BCO2: variants seen among roughly 807,000 people sequenced by gnomAD.
BCO2 encodes the protein beta-carotene oxygenase 2.
A neutral mutation model predicts 65.8 loss-of-function variants in BCO2; 56 were observed. The observed-to-expected ratio is 0.85, with a 90% CI of 0.69 to 1.06. The LOEUF (loss-of-function observed/expected upper bound fraction) is 1.06, where lower values mean the gene tolerates loss of function less well. Ranked by LOEUF, BCO2 falls within the 50% of genes least tolerant of loss-of-function variation. The probability of loss-of-function intolerance (pLI) is 0.00; values close to 1 mark genes in which losing one functional copy is unlikely to be tolerated. For synonymous variants in BCO2, 233 were observed against 242.3 expected (o/e 0.96, Z 0.36); for missense variants, 675 against 698.5 (o/e 0.97, Z 0.38).
At chr11:112,182,145 A>C (rs1867068774) in intron 2 of BCO2, among the ~76,000 whole-genome samples, 1 of 152,208 alleles carries the variant, frequency 6.6e-6, no homozygotes, top group African/African-American at 2.4e-5. Flanking sequence ...TCAAAACCAC[A>C]ATGAGATACC....
rs74874911 is a variant in BCO2, at chr11:112,217,820, A to G, written c.1686A>G (p.Ala562=). ...DAKNFEELGR[A]EVPVQMPYGF... The stretch of plus-strand genomic sequence containing the variant: ...AGAACTTTGAAGAGCTGGGCCGAGC[A>G]GAGGTACCTGTGCAGATGCCTTATG... The change falls in exon 12 of 12, where the codon GCA becomes GCG. Residue 562 remains alanine (A), a synonymous_variant. Coordinates refer to ENST00000357685, the MANE Select transcript of BCO2 (RefSeq NM_031938.7). The G allele has an allele frequency of 3.8e-3, 6,112 of 1,614,148 alleles. 210 individuals are homozygous for G. In the African/African-American group the frequency reaches 0.07, roughly 19 times the overall value.
intron 2 of BCO2, among the ~76,000 whole-genome samples, chr11:112,182,258 G>A (rs1867072492): frequency 6.6e-6 from 1 of 152,172 alleles, no homozygotes; most frequent in South Asian, 2.1e-4. Context: ...TGGTGGGACT[G>A]TAAACTAGTT....
rs1313554352 is a variant in BCO2 at position 112,200,631 on chromosome 11, T to C, written c.884T>C (p.Ile295Thr). The C allele has an allele frequency of 6.2e-7, 1 of 1,609,268 alleles. No individual in the cohort carries two copies. Among genetic ancestry groups the C allele is most frequent in the South Asian group, 1.1e-5 (1 of 90,378 alleles). ...YHSFGMTRNY[I>T]IFIEQPLKMN... ...CTTTTAGGAATGACAAGGAACTATATAATTTTCATTGAACAACCTCTAAAG... is the reference window on the plus strand; with the variant it reads ...CTTTTAGGAATGACAAGGAACTATACAATTTTCATTGAACAACCTCTAAAG... Residue 295 changes from isoleucine to threonine, a missense_variant, in exon 7 of 12, where the codon ATA (isoleucine) becomes ACA (threonine). Physicochemically the swap from Ile to Thr is moderately conservative, Grantham distance 89. Coordinates refer to ENST00000357685, the MANE Select transcript of BCO2 (RefSeq NM_031938.7).
At chr11:112,176,517 C>CGGGGGG (rs35450963) in intron 1 of BCO2, 4 of 46,742 alleles carry the variant, frequency 8.6e-5, no homozygotes, top group Admixed American at 3.8e-4. Context: ...AATTGATTGG[C>CGGGGGG]GGGGGGGGGG....
At chr11:112,199,895 C>A in intron 6 of BCO2, 68 bp downstream of exon 6, 2 of 1,551,406 alleles carry the variant, frequency 1.3e-6, no homozygotes, top group South Asian at 2.3e-5. Context: ...AAGGACTAGT[C>A]TGGCAAATGT....
At chr11:112,206,397 G>A (rs138868987) in intron 8 of BCO2, among the ~76,000 whole-genome samples, 2,403 of 152,302 alleles carry the variant, frequency 0.016, 64 homozygotes, top group African/African-American at 0.053. Flanking sequence ...CAGACGGGGC[G>A]GCGGCCGGCT....
chr11:112,217,712 A>C (rs1859722745), intron 11 of BCO2, 49 bp from the exon 12 acceptor site: 1 of 1,455,270 alleles, frequency 6.9e-7, no homozygotes, highest in African/African-American at 1.4e-5. Flanking sequence ...AGACAGGCAA[A>C]TTTTTGATGA....
chr11:112,194,963 T>C (rs1867526882), intron 5 of BCO2, among the ~76,000 whole-genome samples: 1 of 152,068 alleles, frequency 6.6e-6, no homozygotes, highest in South Asian at 2.1e-4. Flanking sequence ...GCAAACATCC[T>C]TCTAAGTAAA....
At chr11:112,206,308 CGGCA>C (rs1867867965) in intron 8 of BCO2, among the ~76,000 whole-genome samples, 1 of 149,612 alleles carries the variant, frequency 6.7e-6, no homozygotes, top group African/African-American at 2.5e-5. Flanking sequence ...ACTCCTGGGG[CGGCA>C]GGGGCGGCAG....
intron 2 of BCO2, chr11:112,181,612 G>A: frequency 1.3e-6 from 1 of 767,332 alleles, no homozygotes; most frequent in South Asian, 1.3e-5. Context: ...TTTTGGTATT[G>A]ACTCATTGAA....
intron 10 of BCO2, chr11:112,215,176 T>G: frequency 1.9e-6 from 1 of 521,710 alleles, no homozygotes; most frequent in Admixed American, 3.4e-5. Flanking sequence ...GATGTTATTT[T>G]GGGAGCAATT....
Position 112,218,477 on chromosome 11 carries a change from T to G in BCO2, c.*603T>G. 1 of 254,182 alleles carries G rather than the reference T, an allele frequency of 3.9e-6. No individual in the cohort carries two copies. The highest frequency in any genetic ancestry group is 3.5e-5 in the Admixed American group (1 of 28,428). 15.7% of individuals were successfully genotyped at this position (254,182 alleles called of 1,614,324 possible). A position where few individuals can be genotyped will look rare whatever the true frequency, so the allele number is the denominator to read the frequency against. ...GACAAGCACCAAGCCCACTTTTGTC[T>G]GCCTGCACCCAACTGCAATGAGCCT... On this transcript the variant is annotated 3_prime_UTR_variant, in exon 12 of 12. Transcript: ENST00000357685.
intron 8 of BCO2, among the ~76,000 whole-genome samples, chr11:112,203,770 T>C (rs753371640): frequency 3.5e-4 from 54 of 152,224 alleles, no homozygotes; most frequent in Non-Finnish European, 6.9e-4. Flanking sequence ...CCTCTGGTGG[T>C]AACCACTGTT....
At chr11:112,216,464 A>G in intron 11 of BCO2, 134 bp downstream of exon 11, 2 of 613,416 alleles carry the variant, frequency 3.3e-6, no homozygotes, top group Non-Finnish European at 5.7e-6. Context: ...TACTATTTAC[A>G]TACCCTTTTA....
chr11:112,213,687 G>T, intron 8 of BCO2, 37 bp from the exon 9 acceptor site: 2 of 1,600,202 alleles, frequency 1.2e-6, no homozygotes, highest in South Asian at 2.2e-5. Flanking sequence ...GTTACCATAT[G>T]AATGACAATT....
At position 112,199,690 on chromosome 11, in the gene BCO2, A is replaced by G; in HGVS notation, c.737-9A>G. 6 of 1,612,314 alleles carry G rather than the reference A, an allele frequency of 3.7e-6. No homozygotes were observed. The highest frequency in any genetic ancestry group is 3.4e-6 in the Non-Finnish European group (4 of 1,179,050). On this transcript the variant is annotated splice_polypyrimidine_tract_variant and intron_variant, in intron 5 of 11. Transcript: ENST00000357685. ...TAAAACAGGTAAGATAGGACTTTTC[A>G]TTTTTCAGGTTTCTCCTATAAGGTT...
intron 2 of BCO2, among the ~76,000 whole-genome samples, chr11:112,192,060 C>G (rs1867406659): frequency 6.6e-6 from 1 of 152,078 alleles, no homozygotes; most frequent in Non-Finnish European, 1.5e-5. Context: ...ACTCATTAAG[C>G]AACAACTCTT....
chr11:112,182,801 A>C (rs1465775525), intron 2 of BCO2: 1 of 635,958 alleles, frequency 1.6e-6, no homozygotes, highest in Non-Finnish European at 2.7e-6. Flanking sequence ...ATGTGTACAT[A>C]TGTAACAAAC....
chr11:112,191,495 C>T (rs960388916), intron 2 of BCO2, among the ~76,000 whole-genome samples: 1 of 152,094 alleles, frequency 6.6e-6, no homozygotes, highest in Non-Finnish European at 1.5e-5. Context: ...TAAAGACCAT[C>T]CCCTGTTCTT....
Sources: gnomAD v4.1 joint callset for allele counts (sites outside exome capture counted in the v4.1 genomes callset) on GRCh38, gnomAD v4.1.1 for gene constraint, MANE v1.5 for transcripts, NCBI Gene and HGNC (gene_info 2026-07-23, HGNC 2026-07-21) for gene names.